TBCE: variants seen among roughly 807,000 people sequenced by gnomAD.
TBCE encodes the protein tubulin-specific chaperone E.
Under a neutral mutation model 77.0 loss-of-function variants are expected in TBCE, and 53 were observed. The ratio of observed to expected loss-of-function variants is 0.69; its 90% CI spans 0.55 to 0.87. The LOEUF is 0.87. Among genes scored for constraint, TBCE ranks in the 40% least tolerant of loss-of-function variants. The probability of loss-of-function intolerance (pLI) is 0.00; values close to 1 mark genes in which losing one functional copy is unlikely to be tolerated. For synonymous variants in TBCE, 235 were observed against 241.3 expected (o/e 0.97, Z 0.24); for missense variants, 624 against 622.4 (o/e 1.00, Z -0.03).
chr1:235,444,264 A>G (rs1336700850), intron 15 of TBCE, among the ~76,000 whole-genome samples: 1 of 152,208 alleles, frequency 6.6e-6, no homozygotes, highest in Admixed American at 6.5e-5. Flanking sequence ...TACTCCTGTA[A>G]TATGTAATTT....
intron 5 of TBCE, chr1:235,423,756 A>G (rs1042463732): frequency 6.6e-6 from 1 of 152,352 alleles, no homozygotes; most frequent in African/African-American, 2.4e-5. Context: ...TGCGACGGCC[A>G]CGGCAAAATT....
At chr1:235,417,686 C>T (rs539810875) in intron 4 of TBCE, among the ~76,000 whole-genome samples, 5 of 152,106 alleles carry the variant, frequency 3.3e-5, no homozygotes, top group Non-Finnish European at 7.4e-5. Flanking sequence ...CCCTAAGGAC[C>T]GTGTGGCCTG....
chr1:235,393,422 C>T (rs1208347539), intron 2 of TBCE, among the ~76,000 whole-genome samples: 1 of 152,102 alleles, frequency 6.6e-6, no homozygotes, highest in East Asian at 1.9e-4. Context: ...CCTGTAATCC[C>T]AGCTACTTGG....
At chr1:235,442,480 ATTCT>A (rs1558394794) in intron 14 of TBCE, among the ~76,000 whole-genome samples, 10 of 152,342 alleles carry the variant, frequency 6.6e-5, no homozygotes, top group Admixed American at 3.9e-4. Flanking sequence ...AAAGAAATGA[ATTCT>A]TTAAAACATG....
intron 3 of TBCE, among the ~76,000 whole-genome samples, chr1:235,413,462 G>A (rs187514796): frequency 4.7e-4 from 72 of 151,832 alleles, no homozygotes; most frequent in African/African-American, 1.6e-3. Context: ...AGAAGTTCAA[G>A]ACCAGCCTGG....
At position 235,448,843 on chromosome 1, in the gene TBCE, TCTA is replaced by T; in HGVS notation, c.*84_*86del. 9.4e-7 allele frequency: 1 copy of T among 1,067,378 alleles called. No individual in the cohort carries two copies. The highest frequency in any genetic ancestry group is 2.4e-5 in the East Asian group (1 of 41,282). The allele number at this position is 1,067,378 out of a possible 1,614,324, so 66.1% of individuals were successfully genotyped here. On this transcript the variant is annotated 3_prime_UTR_variant, in exon 17 of 17. Coordinates refer to ENST00000642610, the MANE Select transcript of TBCE (RefSeq NM_003193.5). ...GAAATAAATGATTCACTGGAACAATTCTACTGTCAAAACAAAGGGGGTTTACAA... is the reference window on the plus strand; with the variant it reads ...GAAATAAATGATTCACTGGAACAATTCTGTCAAAACAAAGGGGGTTTACAA...
intron 6 of TBCE, 39 bp from the exon 7 acceptor site, chr1:235,430,666 T>A: frequency 6.8e-7 from 1 of 1,466,854 alleles, no homozygotes; most frequent in Non-Finnish European, 9.5e-7. Flanking sequence ...GGGTTTACTG[T>A]ATAGAAATAA....
chr1:235,417,983 T>C (rs1462494472), intron 4 of TBCE, among the ~76,000 whole-genome samples: 1 of 152,174 alleles, frequency 6.6e-6, no homozygotes, highest in Non-Finnish European at 1.5e-5. Flanking sequence ...GGTTTCACCA[T>C]GTTGGCCAGG....
chr1:235,437,495 T>C (rs1212878226), intron 12 of TBCE, 21 bp downstream of exon 12: 2 of 1,613,086 alleles, frequency 1.2e-6, no homozygotes, highest in East Asian at 4.5e-5. Context: ...GCGTCATGAC[T>C]AGATATTTTT....
intron 7 of TBCE, 199 bp from the exon 8 acceptor site, chr1:235,434,005 C>T (rs1681264296): frequency 1.6e-6 from 1 of 616,074 alleles, no homozygotes. Context: ...GCTCCCACAG[C>T]ATTAAAATGC....
chr1:235,401,702 A>AT, intron 3 of TBCE, 115 bp downstream of exon 3: 1 of 872,182 alleles, frequency 1.1e-6, no homozygotes, highest in Non-Finnish European at 1.9e-6. Flanking sequence ...ATATTATGGA[A>AT]TTTGTTGTAT....
At chr1:235,412,117 CCCA>C (rs1222679362) in intron 3 of TBCE, among the ~76,000 whole-genome samples, 18 of 132,806 alleles carry the variant, frequency 1.4e-4, no homozygotes, top group South Asian at 2.6e-4. Flanking sequence ...CCTTTCCCTT[CCCA>C]TCCCTTTCCC....
intron 3 of TBCE, among the ~76,000 whole-genome samples, chr1:235,409,184 A>T (rs1679633158): frequency 6.6e-6 from 1 of 152,156 alleles, no homozygotes; most frequent in Non-Finnish European, 1.5e-5. Context: ...TTATGAGCAC[A>T]TGCTGTTTCC....
intron 7 of TBCE, chr1:235,432,953 C>A: frequency 7.2e-7 from 1 of 1,388,790 alleles, no homozygotes; most frequent in South Asian, 1.7e-5. Context: ...TAGGCTCATG[C>A]GCAGTGTGGT....
chr1:235,383,135 G>A (rs1677782006), intron 2 of TBCE, among the ~76,000 whole-genome samples: 1 of 145,522 alleles, frequency 6.9e-6, no homozygotes, highest in Non-Finnish European at 1.5e-5. Flanking sequence ...TAGATATGCG[G>A]CGTTATTTCT....
At chr1:235,419,640 C>T in intron 5 of TBCE, 79 bp downstream of exon 5, 1 of 1,582,220 alleles carries the variant, frequency 6.3e-7, no homozygotes, top group Non-Finnish European at 8.6e-7. Flanking sequence ...TAATTGCCTA[C>T]CCATTGTCCA....
intron 5 of TBCE, among the ~76,000 whole-genome samples, chr1:235,425,166 A>G (rs1448070486): frequency 6.6e-6 from 1 of 152,166 alleles, no homozygotes; most frequent in Non-Finnish European, 1.5e-5. Flanking sequence ...TCTCATAGCC[A>G]TCATAGATTT....
chr1:235,423,977 G>A (rs979896422), intron 5 of TBCE, among the ~76,000 whole-genome samples: 3 of 152,128 alleles, frequency 2.0e-5, no homozygotes, highest in Non-Finnish European at 4.4e-5. Flanking sequence ...CTTCCTAATT[G>A]GTTCCTGCCT....
intron 1 of TBCE, among the ~76,000 whole-genome samples, chr1:235,368,858 G>C (rs890377581): frequency 6.6e-6 from 1 of 152,024 alleles, no homozygotes; most frequent in African/African-American, 2.4e-5. Context: ...GAGCCACCGT[G>C]CCCAGCCCAG....
Sources: gnomAD v4.1 joint callset for allele counts (sites outside exome capture counted in the v4.1 genomes callset) on GRCh38, gnomAD v4.1.1 for gene constraint, MANE v1.5 for transcripts, NCBI Gene and HGNC (gene_info 2026-07-23, HGNC 2026-07-21) for gene names.